Variants in CHST15 observed in about 807,000 individuals in gnomAD.
The protein encoded by CHST15 is B cell RAG associated protein (GALNAC4S-6ST).
A neutral mutation model predicts 53.6 loss-of-function variants in CHST15; 30 were observed. The observed-to-expected ratio is 0.56, with a 90% confidence interval of 0.42 to 0.76. The LOEUF (loss-of-function observed/expected upper bound fraction) is 0.76, where lower values mean the gene tolerates loss of function less well. Ranked by LOEUF, CHST15 falls within the 30% of genes least tolerant of loss-of-function variation. The pLI, the probability that CHST15 is intolerant of heterozygous loss-of-function variation, is 0.00. For missense variants in CHST15, 627 were observed against 740.5 expected (o/e 0.85, Z 1.78); for synonymous variants, 296 against 289.8 (o/e 1.02, Z -0.22).
At chr10:124,062,682 C>CA (rs1469038504) in intron 1 of CHST15, among the ~76,000 whole-genome samples, 1 of 152,090 alleles carries the variant, frequency 6.6e-6, no homozygotes, top group African/African-American at 2.4e-5. Flanking sequence ...CTCAGCTCAA[C>CA]AGTAAGGACT....
At chr10:124,053,311 C>T (rs551065379) in intron 1 of CHST15, among the ~76,000 whole-genome samples, 6 of 152,086 alleles carry the variant, frequency 3.9e-5, no homozygotes, top group Non-Finnish European at 8.8e-5. Flanking sequence ...AAAGCTGGCA[C>T]GTGCCAGGCC....
intron 5 of CHST15, among the ~76,000 whole-genome samples, chr10:124,034,328 G>A (rs1269168443): frequency 2.4e-4 from 36 of 152,142 alleles, no homozygotes; most frequent in Admixed American, 6.5e-5. Flanking sequence ...GCTGTGAACT[G>A]TGAGCCTCCT....
chr10:124,019,149 C>G lies in CHST15; in HGVS notation c.1347+2107G>C, dbSNP rs1003948696. Among the ~76,000 whole-genome samples, 1 of 152,146 alleles carries G rather than the reference C, an allele frequency of 6.6e-6. No homozygotes were observed. ...GAAATGGGCCTGGCCTGAGTCACAGCTGCAACTTGATTCGTGTCTGTCAGC... is the reference window on the plus strand; with the variant it reads ...GAAATGGGCCTGGCCTGAGTCACAGGTGCAACTTGATTCGTGTCTGTCAGC... On this transcript the variant is annotated intron_variant, in intron 6 of 7. Coordinates refer to ENST00000435907, the MANE Select transcript of CHST15 (RefSeq NM_001270764.2). This position sits in a 1 kb window ranked among gnomAD's most constrained non-coding sequence, Gnocchi z 4.6.
chr10:124,087,966 C>T (rs1949485866), intron 1 of CHST15, among the ~76,000 whole-genome samples: 1 of 152,236 alleles, frequency 6.6e-6, no homozygotes. Flanking sequence ...GAGAGTGAAG[C>T]CACCACCCTA....
rs146383511 is a variant in CHST15 at position 124,031,119 on chromosome 10, T to A, written c.1190+7396A>T. 8.5e-5 allele frequency among the ~76,000 whole-genome samples: 13 copies of A among 152,346 alleles called. No individual in the cohort carries two copies. In the East Asian group the frequency reaches 2.5e-3, roughly 29 times the overall value. ...GGTTAAGCCTCCACAGGTGGTCCTG[T>A]CCAATGATGGGTGGATGGGAGAAGC... On this transcript the variant is annotated intron_variant, in intron 5 of 7. Coordinates refer to ENST00000435907, the MANE Select transcript of CHST15 (RefSeq NM_001270764.2).
intron 1 of CHST15, among the ~76,000 whole-genome samples, chr10:124,069,618 C>T (rs910741039): frequency 2.6e-5 from 4 of 152,162 alleles, no homozygotes; most frequent in African/African-American, 4.8e-5. Context: ...GGACAGTTTA[C>T]GGTTTCACAG....
chr10:124,084,644 C>T (rs1439853858), intron 1 of CHST15, among the ~76,000 whole-genome samples: 2 of 152,212 alleles, frequency 1.3e-5, no homozygotes, highest in East Asian at 3.8e-4. Context: ...TGGAGGAAGA[C>T]ACCACACAGA....
rs1305168096 is a variant in CHST15, at chr10:124,009,993, G to A, written c.*156C>T. The stretch of plus-strand genomic sequence containing the variant: ...TTGCTGAGCTCTCGAACATCACGAA[G>A]GAAATTCCAAAATGGTTATAATTCA... On this transcript the variant is annotated 3_prime_UTR_variant, in exon 8 of 8. Transcript: ENST00000435907. 1.6e-5 allele frequency: 24 copies of A among 1,480,268 alleles called. No individual in the cohort carries two copies. Among genetic ancestry groups the A allele is most frequent in the African/African-American group, 2.8e-5 (2 of 71,134 alleles). 91.7% of individuals were successfully genotyped at this position (1,480,268 alleles called of 1,614,324 possible).
chr10:124,017,889 C>T (rs1946639924), intron 6 of CHST15, among the ~76,000 whole-genome samples: 1 of 152,246 alleles, frequency 6.6e-6, no homozygotes, highest in African/African-American at 2.4e-5. Context: ...GACCAGCACA[C>T]ACAGCCTCCT....
intron 6 of CHST15, among the ~76,000 whole-genome samples, chr10:124,012,785 A>C (rs376631798): frequency 3.0e-4 from 45 of 152,256 alleles, no homozygotes; most frequent in East Asian, 9.7e-4. Context: ...GTGGCCACCA[A>C]TGGTGTACAT....
At chr10:124,066,378 G>A (rs1022545885) in intron 1 of CHST15, among the ~76,000 whole-genome samples, 6 of 151,786 alleles carry the variant, frequency 4.0e-5, no homozygotes, top group African/African-American at 1.5e-4. Context: ...CTCCACCACC[G>A]CCAAGACGTG....
rs150272441 is a variant in CHST15, at chr10:124,039,607, A to G, written c.1034-936T>C. On this transcript the variant is annotated intron_variant, in intron 4 of 7. Transcript: ENST00000435907. ...CGGGAACTGGGTCCCAGCCAGTTTC[A>G]CATTTCATCATGGTCCTCACGAGTG... Among the ~76,000 whole-genome samples the G allele has an allele frequency of 7.9e-3, 1,196 of 152,324 alleles. 18 individuals carry two copies. The highest frequency in any genetic ancestry group is 0.027 in the African/African-American group (1,106 of 41,560).
chr10:124,029,184 A>G (rs1947124022), intron 5 of CHST15, among the ~76,000 whole-genome samples: 1 of 152,196 alleles, frequency 6.6e-6, no homozygotes, highest in South Asian at 2.1e-4. Flanking sequence ...CTACCAGGAA[A>G]AAAAGGCCAT....
At chr10:124,076,058 C>T (rs1199225750) in intron 1 of CHST15, among the ~76,000 whole-genome samples, 1 of 152,144 alleles carries the variant, frequency 6.6e-6, no homozygotes, top group African/African-American at 2.4e-5. Context: ...GGGAGGACAT[C>T]AGGGATGAAA....
At chr10:124,010,813 T>C in intron 7 of CHST15, 1 of 985,440 alleles carries the variant, frequency 1.0e-6, no homozygotes, top group Non-Finnish European at 1.2e-6. Flanking sequence ...CTGCACAGTT[T>C]CACCCTGTGC....
At chr10:124,087,144 T>C (rs1001167107) in intron 1 of CHST15, among the ~76,000 whole-genome samples, 1 of 152,160 alleles carries the variant, frequency 6.6e-6, no homozygotes, top group Non-Finnish European at 1.5e-5. Context: ...ATCTTACACC[T>C]CTCTCGACCT....
chr10:124,077,562 C>G (rs968926943), intron 1 of CHST15, among the ~76,000 whole-genome samples: 4 of 152,166 alleles, frequency 2.6e-5, no homozygotes, highest in Non-Finnish European at 5.9e-5. Flanking sequence ...GTGCTCTGTC[C>G]ACCACCTAAA....
At chr10:124,044,970 G>A (rs760675985) in intron 2 of CHST15, 51 bp from the exon 3 acceptor site, 3 of 1,304,706 alleles carry the variant, frequency 2.3e-6, no homozygotes, top group South Asian at 3.8e-5. Flanking sequence ...AATGAGCAAA[G>A]ACACAATCTA....
At position 124,054,664 on chromosome 10, in the gene CHST15, G is replaced by T. The variant is rs114662021; in HGVS notation, c.-512-7940C>A. On this transcript the variant is annotated intron_variant, in intron 1 of 7. Coordinates refer to ENST00000435907, the MANE Select transcript of CHST15 (RefSeq NM_001270764.2). ...TTCAACCCGAATCAAGTCTGTAACTGCTCTATGATCTCAGGCAACGAATTT... is the reference window on the plus strand; with the variant it reads ...TTCAACCCGAATCAAGTCTGTAACTTCTCTATGATCTCAGGCAACGAATTT... Among the ~76,000 whole-genome samples, 958 of 152,290 alleles carry T rather than the reference G, an allele frequency of 6.3e-3. 8 individuals carry two copies. Among genetic ancestry groups the T allele is most frequent in the African/African-American group, 0.022 (924 of 41,558 alleles).
Sources: gnomAD v4.1 joint callset for allele counts (sites outside exome capture counted in the v4.1 genomes callset) on GRCh38, gnomAD v4.1.1 for gene constraint, Gnocchi (gnomAD v3.1) non-coding constraint, MANE v1.5 for transcripts, NCBI Gene and HGNC (gene_info 2026-07-23, HGNC 2026-07-21) for gene names.